RBFOX1: variants seen among roughly 807,000 people sequenced by gnomAD.
The protein encoded by RBFOX1 is RNA binding protein fox-1 homolog 1.
A neutral mutation model predicts 57.7 loss-of-function variants in RBFOX1; 8 were observed. The ratio of observed to expected loss-of-function variants is 0.14; its 90% CI spans 0.08 to 0.25. The LOEUF is 0.25. Ranked by LOEUF, RBFOX1 falls within the 10% of genes least tolerant of loss-of-function variation. The probability of loss-of-function intolerance (pLI) is 1.00; values close to 1 mark genes in which losing one functional copy is unlikely to be tolerated. For synonymous variants in RBFOX1, 326 were observed against 222.4 expected (o/e 1.47, Z -4.15); for missense variants, 611 against 548.5 (o/e 1.11, Z -1.14).
intron 1 of RBFOX1, among the ~76,000 whole-genome samples, chr16:5,447,119 G>C (rs13338823): frequency 0.13 from 19,614 of 152,090 alleles, 1,443 homozygotes; most frequent in African/African-American, 0.19. Flanking sequence ...CCCTTGGCTG[G>C]TCTCTGCGTC....
intron 5 of RBFOX1, among the ~76,000 whole-genome samples, chr16:7,520,115 G>C (rs938795258): frequency 5.3e-5 from 8 of 152,018 alleles, no homozygotes; most frequent in African/African-American, 1.9e-4. Context: ...TCAATCTCCT[G>C]ACCTCGCGAT....
chr16:5,824,778 C>T (rs2055977899), intron 3 of RBFOX1, among the ~76,000 whole-genome samples: 1 of 152,216 alleles, frequency 6.6e-6, no homozygotes, highest in South Asian at 2.1e-4. Flanking sequence ...CCAGTGGCTT[C>T]AGAGGTCTTA....
At chr16:7,537,665 C>G (rs1489974111) in intron 5 of RBFOX1, among the ~76,000 whole-genome samples, 1 of 152,146 alleles carries the variant, frequency 6.6e-6, no homozygotes, top group African/African-American at 2.4e-5. Context: ...AAGTAGGAAT[C>G]AGGAAATGGT....
intron 2 of RBFOX1, among the ~76,000 whole-genome samples, chr16:6,410,126 T>G (rs1477368675): frequency 6.6e-6 from 1 of 151,790 alleles, no homozygotes; most frequent in African/African-American, 2.4e-5. Context: ...GGCAACTTTC[T>G]TTTCTTCTTC....
intron 2 of RBFOX1, among the ~76,000 whole-genome samples, chr16:6,360,371 G>C (rs1387338009): frequency 6.6e-6 from 1 of 151,978 alleles, no homozygotes; most frequent in Non-Finnish European, 1.5e-5. Flanking sequence ...TTGCACTGCA[G>C]GGACCAAAAG....
At chr16:5,469,583 G>A (rs1176030093) in intron 2 of RBFOX1, among the ~76,000 whole-genome samples, 3 of 152,056 alleles carry the variant, frequency 2.0e-5, no homozygotes, top group African/African-American at 4.8e-5. Flanking sequence ...TTCACAATGC[G>A]GTGCCACCAT....
chr16:7,376,804 G>T (rs748415519), intron 4 of RBFOX1, among the ~76,000 whole-genome samples: 2 of 152,146 alleles, frequency 1.3e-5, no homozygotes, highest in African/African-American at 4.8e-5. Flanking sequence ...GATGTCCCTT[G>T]CAGTAGAGAT....
At chr16:5,298,878 T>G (rs2063739709) in intron 1 of RBFOX1, among the ~76,000 whole-genome samples, 1 of 72,180 alleles carries the variant, frequency 1.4e-5, no homozygotes, top group Admixed American at 1.8e-4. Flanking sequence ...AATTGAATAT[T>G]TTGCATAGGG....
rs141738225 is a variant in RBFOX1 at position 7,642,156 on chromosome 16, C to T, written c.757+11473C>T. Reference sequence around the variant, plus strand: ...CGGGTTTGGATGGTTTATATTAGTCCAGTGACTGGACTGGTGGACCACTCC... The same window carrying T: ...CGGGTTTGGATGGTTTATATTAGTCTAGTGACTGGACTGGTGGACCACTCC... On this transcript the variant is annotated intron_variant, in intron 11 of 15. Coordinates refer to ENST00000550418, the MANE Select transcript of RBFOX1 (RefSeq NM_018723.4). Among the ~76,000 whole-genome samples the T allele has an allele frequency of 7.6e-3, 1,153 of 152,190 alleles. 11 individuals are homozygous for T. Among genetic ancestry groups the T allele is most frequent in the Middle Eastern group, 0.02 (6 of 294 alleles).
intron 2 of RBFOX1, among the ~76,000 whole-genome samples, chr16:5,502,856 G>T (rs1047266794): frequency 1.3e-5 from 2 of 152,214 alleles, no homozygotes; most frequent in African/African-American, 2.4e-5. Context: ...AGGGCAGGGA[G>T]ACCAGAGCAC....
At chr16:6,039,259 C>G (rs2095409759) in intron 1 of RBFOX1, among the ~76,000 whole-genome samples, 1 of 148,854 alleles carries the variant, frequency 6.7e-6, no homozygotes, top group East Asian at 2.0e-4. Context: ...TGGCCTCTGT[C>G]TGGCTTTCTG....
chr16:6,602,864 A>T (rs1196934230), intron 2 of RBFOX1, among the ~76,000 whole-genome samples: 1 of 152,154 alleles, frequency 6.6e-6, no homozygotes, highest in Non-Finnish European at 1.5e-5. Flanking sequence ...TCACATGCAA[A>T]TGAAATTACT....
intron 1 of RBFOX1, among the ~76,000 whole-genome samples, chr16:5,373,547 C>A (rs1450106611): frequency 6.6e-6 from 1 of 152,130 alleles, no homozygotes; most frequent in African/African-American, 2.4e-5. Context: ...TTTCCTGAGG[C>A]CTCCTCAGCC....
At chr16:7,108,891 AAAG>A (rs2064114559) in intron 4 of RBFOX1, among the ~76,000 whole-genome samples, 1 of 152,184 alleles carries the variant, frequency 6.6e-6, no homozygotes, top group South Asian at 2.1e-4. Context: ...GCATCTGTGA[AAAG>A]AAGGAGGTTG....
chr16:7,116,042 C>G (rs965174125), intron 4 of RBFOX1, among the ~76,000 whole-genome samples: 5 of 152,106 alleles, frequency 3.3e-5, no homozygotes, highest in African/African-American at 1.2e-4. Context: ...TGTGCCCTTT[C>G]TCATTTGGTT....
At chr16:7,356,026 A>G (rs1313819672) in intron 4 of RBFOX1, among the ~76,000 whole-genome samples, 2 of 152,230 alleles carry the variant, frequency 1.3e-5, no homozygotes, top group Non-Finnish European at 2.9e-5. Flanking sequence ...TGAAAAATGA[A>G]GAAGCAAGCT....
intron 3 of RBFOX1, among the ~76,000 whole-genome samples, chr16:6,988,543 T>G (rs1263474703): frequency 6.6e-6 from 1 of 151,606 alleles, no homozygotes; most frequent in Non-Finnish European, 1.5e-5. Context: ...TCTTTTCCCT[T>G]TTTATTTTAA....
chr16:5,285,606 A>G (rs895764627), intron 1 of RBFOX1, among the ~76,000 whole-genome samples: 7 of 152,168 alleles, frequency 4.6e-5, no homozygotes, highest in Admixed American at 2.0e-4. Flanking sequence ...TCGCTTTTAT[A>G]GGGGAAAGAC....
chr16:6,417,341 C>A (rs2093651277), intron 2 of RBFOX1, among the ~76,000 whole-genome samples: 1 of 151,446 alleles, frequency 6.6e-6, no homozygotes, highest in African/African-American at 2.4e-5. Flanking sequence ...TTTCCATCGG[C>A]CCTCTCTACT....
Sources: allele counts gnomAD v4.1 joint callset (sites outside exome capture counted in the v4.1 genomes callset), GRCh38; gene constraint gnomAD v4.1.1; transcripts MANE v1.5; gene names NCBI Gene and HGNC (gene_info 2026-07-23, HGNC 2026-07-21).